Variants in ZMYM4 observed in about 807,000 individuals in gnomAD.
ZMYM4 encodes zinc finger MYM-type protein 4.
Under a neutral mutation model 183.2 loss-of-function variants are expected in ZMYM4, and 31 were observed. The observed-to-expected ratio is 0.17, with a 90% CI of 0.13 to 0.23. The LOEUF is 0.23. Ranked by LOEUF, ZMYM4 falls within the 10% of genes least tolerant of loss-of-function variation. The pLI is 1.00. For missense variants in ZMYM4, 1,273 were observed against 1,840.3 expected (o/e 0.69, Z 5.64); for synonymous variants, 592 against 631.2 (o/e 0.94, Z 0.93).
intron 7 of ZMYM4, among the ~76,000 whole-genome samples, chr1:35,372,898 C>T (rs373301091): frequency 7.2e-5 from 11 of 152,278 alleles, no homozygotes; most frequent in African/African-American, 2.4e-4. Context: ...TGGCTTGCGC[C>T]GGTAATCCCA....
intron 23 of ZMYM4, among the ~76,000 whole-genome samples, chr1:35,400,944 G>A (rs950764056): frequency 1.6e-4 from 24 of 152,178 alleles, no homozygotes; most frequent in Admixed American, 8.5e-4. Context: ...TGTCCCAGTA[G>A]TTGATTCCTT....
intron 15 of ZMYM4, among the ~76,000 whole-genome samples, chr1:35,390,425 GGTT>G (rs908703821): frequency 1.3e-4 from 20 of 151,856 alleles, no homozygotes; most frequent in African/African-American, 3.1e-4. Flanking sequence ...GAAAAAGGGG[GGTT>G]GTTCTCTGGC....
At chr1:35,324,854 T>C (rs138156289) in intron 1 of ZMYM4, among the ~76,000 whole-genome samples, 116 of 152,346 alleles carry the variant, frequency 7.6e-4, no homozygotes, top group African/African-American at 1.9e-3. Context: ...TGAAATTACC[T>C]CTGACATGGC....
At chr1:35,293,238 C>G (rs1640847792) in intron 1 of ZMYM4, among the ~76,000 whole-genome samples, 1 of 152,008 alleles carries the variant, frequency 6.6e-6, no homozygotes. Flanking sequence ...GTCCTGGGCT[C>G]AAATGATCCT....
intron 25 of ZMYM4, among the ~76,000 whole-genome samples, chr1:35,405,769 GT>G (rs11312114): frequency 0.86 from 123,129 of 142,574 alleles, 52,379 homozygotes; most frequent in East Asian, 0.99. Flanking sequence ...TTTTTTTTTT[GT>G]TTTTTTTTTT....
In ZMYM4 at chr1:35,393,843, GT is replaced by G. The variant is rs1463026992; in HGVS notation, c.2911+107del. 1.3e-4 allele frequency: 165 copies of G among 1,314,240 alleles called. No homozygotes were observed. In the South Asian group the frequency reaches 2.0e-3, roughly 16 times the overall value. 81.4% of individuals were successfully genotyped at this position (1,314,240 alleles called of 1,614,324 possible). On this transcript the variant is annotated intron_variant, in intron 18 of 29. Coordinates refer to ENST00000314607, the MANE Select transcript of ZMYM4 (RefSeq NM_005095.3). ...TATTTCCTAGGTGATGTGTTTGGTTGTTTGTATACATTGCCCAATTTAGTTC... is the reference window on the plus strand; with the variant it reads ...TATTTCCTAGGTGATGTGTTTGGTTGTTGTATACATTGCCCAATTTAGTTC...
At chr1:35,294,155 A>G (rs180924459) in intron 1 of ZMYM4, among the ~76,000 whole-genome samples, 93 of 151,580 alleles carry the variant, frequency 6.1e-4, no homozygotes, top group African/African-American at 2.2e-3. Context: ...AAAAGGAATC[A>G]AAATGTTTGT....
intron 1 of ZMYM4, among the ~76,000 whole-genome samples, chr1:35,278,608 G>T (rs796162324): frequency 6.6e-6 from 1 of 151,932 alleles, no homozygotes; most frequent in African/African-American, 2.4e-5. Flanking sequence ...TGTATTTTTA[G>T]TGGAGACGGG....
intron 1 of ZMYM4, among the ~76,000 whole-genome samples, chr1:35,301,413 G>A (rs527455715): frequency 2.0e-5 from 3 of 152,206 alleles, no homozygotes; most frequent in Admixed American, 2.0e-4. Context: ...TGGCATGGTG[G>A]CAGGTGCCTG....
At chr1:35,349,446 T>G (rs1643515520) in intron 2 of ZMYM4, among the ~76,000 whole-genome samples, 1 of 152,236 alleles carries the variant, frequency 6.6e-6, no homozygotes, top group South Asian at 2.1e-4. Flanking sequence ...ACTGTTGAAT[T>G]ACATTGTGAT....
chr1:35,312,671 C>T (rs1641855993), intron 1 of ZMYM4, among the ~76,000 whole-genome samples: 1 of 149,748 alleles, frequency 6.7e-6, no homozygotes, highest in African/African-American at 2.5e-5. Flanking sequence ...TCTTTCTCTT[C>T]TTTCCCTTCT....
chr1:35,361,824 G>C (rs767762944), intron 5 of ZMYM4, 35 bp downstream of exon 5: 5 of 1,585,742 alleles, frequency 3.2e-6, no homozygotes, highest in Non-Finnish European at 4.3e-6. Context: ...CCTTCTTTTT[G>C]TTCCACACAT....
chr1:35,393,033 C>A (rs1388538551), intron 17 of ZMYM4, among the ~76,000 whole-genome samples: 2 of 152,112 alleles, frequency 1.3e-5, no homozygotes, highest in Non-Finnish European at 2.9e-5. Context: ...CCCTCTGACC[C>A]ATTACAGATT....
chr1:35,391,873 T>G (rs1372172436), intron 15 of ZMYM4, among the ~76,000 whole-genome samples: 1 of 151,194 alleles, frequency 6.6e-6, no homozygotes, highest in African/African-American at 2.5e-5. Context: ...AAACCCCGTC[T>G]CTACTAAAAT....
At chr1:35,339,907 G>T (rs138776990) in intron 2 of ZMYM4, among the ~76,000 whole-genome samples, 118 of 152,130 alleles carry the variant, frequency 7.8e-4, no homozygotes, top group Middle Eastern at 3.4e-3. Context: ...ACATCTGTAG[G>T]CATTTCCCCA....
intron 2 of ZMYM4, among the ~76,000 whole-genome samples, chr1:35,335,846 G>A (rs1255758291): frequency 2.0e-5 from 3 of 152,094 alleles, no homozygotes; most frequent in East Asian, 1.9e-4. Context: ...CCAGCTACTC[G>A]GGAGGCTGAG....
intron 7 of ZMYM4, among the ~76,000 whole-genome samples, chr1:35,380,127 A>G (rs1287880264): frequency 6.6e-6 from 1 of 152,222 alleles, no homozygotes; most frequent in East Asian, 1.9e-4. Context: ...TCTGTGAAGC[A>G]CAATAAAACA....
chr1:35,372,714 A>G (rs1018991738), intron 7 of ZMYM4, among the ~76,000 whole-genome samples: 3 of 149,836 alleles, frequency 2.0e-5, no homozygotes, highest in African/African-American at 7.3e-5. Context: ...CATTATATCT[A>G]CTAACTGATT....
chr1:35,314,370 C>T (rs1003929901), intron 1 of ZMYM4, among the ~76,000 whole-genome samples: 3 of 151,986 alleles, frequency 2.0e-5, no homozygotes, highest in Non-Finnish European at 4.4e-5. Context: ...CTGCAACCTC[C>T]GCCTCCCGGG....
Sources: allele counts gnomAD v4.1 joint callset (sites outside exome capture counted in the v4.1 genomes callset), GRCh38; gene constraint gnomAD v4.1.1; transcripts MANE v1.5; gene names NCBI Gene and HGNC (gene_info 2026-07-23, HGNC 2026-07-21).